The following GALNT1 variants were observed in gnomAD, a reference collection of about 807,000 sequenced individuals.
The protein encoded by GALNT1 is polypeptide N-acetylgalactosaminyltransferase 1, also known as GalNAc transferase 1.
In GALNT1, 17 loss-of-function variants were observed where a neutral mutation model predicts 65.7. The ratio of observed to expected loss-of-function variants is 0.26; its 90% CI spans 0.18 to 0.39. The LOEUF is 0.39. Ranked by LOEUF, GALNT1 falls within the 10% of genes least tolerant of loss-of-function variation. GALNT1 has a pLI of 1.00. For synonymous variants in GALNT1, 210 were observed against 219.7 expected (o/e 0.96, Z 0.39); for missense variants, 460 against 672.8 (o/e 0.68, Z 3.50).
intron 1 of GALNT1, among the ~76,000 whole-genome samples, chr18:35,643,440 A>T (rs571272832): frequency 6.6e-6 from 1 of 152,292 alleles, no homozygotes; most frequent in East Asian, 1.9e-4. Context: ...ACTTGAGTCT[A>T]AATAGATGTT....
chr18:35,662,436 G>A (rs1555648038), intron 2 of GALNT1, among the ~76,000 whole-genome samples: 1 of 152,090 alleles, frequency 6.6e-6, no homozygotes, highest in Non-Finnish European at 1.5e-5. Context: ...AATTCTGGAC[G>A]TGGTTGAGGA....
chr18:35,672,480 G>A (rs181972871), intron 3 of GALNT1, among the ~76,000 whole-genome samples: 46 of 152,290 alleles, frequency 3.0e-4, no homozygotes, highest in African/African-American at 1.0e-3. Context: ...GGCCCTTGGA[G>A]TGCAGCTTTT....
chr18:35,583,853 C>G (rs1248927000), intron 1 of GALNT1, among the ~76,000 whole-genome samples: 3 of 152,208 alleles, frequency 2.0e-5, no homozygotes, highest in Non-Finnish European at 4.4e-5. Context: ...GCTACTCTGA[C>G]TGGAGTTTTG....
At chr18:35,621,045 T>C (rs151271950) in intron 1 of GALNT1, among the ~76,000 whole-genome samples, 14 of 152,330 alleles carry the variant, frequency 9.2e-5, no homozygotes, top group South Asian at 8.3e-4. Flanking sequence ...TCAGATTCAT[T>C]TTCCTGAGTA....
At chr18:35,640,792 T>G (rs979569614) in intron 1 of GALNT1, among the ~76,000 whole-genome samples, 5 of 152,178 alleles carry the variant, frequency 3.3e-5, no homozygotes, top group African/African-American at 1.2e-4. Context: ...TGTGACAAAG[T>G]TGGTATTACA....
chr18:35,686,903 C>G, intron 5 of GALNT1, 113 bp from the exon 6 acceptor site: 1 of 1,016,546 alleles, frequency 9.8e-7, no homozygotes, highest in Non-Finnish European at 1.4e-6. Context: ...GTAGTGATAC[C>G]CTGTTTCAAG....
chr18:35,682,619 G>T (rs2047802455), intron 4 of GALNT1, among the ~76,000 whole-genome samples: 1 of 152,026 alleles, frequency 6.6e-6, no homozygotes, highest in Non-Finnish European at 1.5e-5. Context: ...GCTTTTTAAA[G>T]TCAGTTGTGA....
rs1179346679 is a variant in GALNT1 at position 35,710,516 on chromosome 18, A to G, written c.*746A>G. The G allele has an allele frequency of 6.6e-6, 1 of 152,004 alleles. No individual in the cohort carries two copies. 9.4% of individuals were successfully genotyped at this position (152,004 alleles called of 1,614,324 possible). A position where few individuals can be genotyped will look rare whatever the true frequency, so the allele number is the denominator to read the frequency against. On this transcript the variant is annotated 3_prime_UTR_variant, in exon 12 of 12. Coordinates refer to ENST00000269195, the MANE Select transcript of GALNT1 (RefSeq NM_020474.4). ...GAATATAGTTTTAATTTCTCTCTAC[A>G]GTTTTTTTTGTTTGGTTTGTGGGCT...
intron 8 of GALNT1, among the ~76,000 whole-genome samples, chr18:35,691,538 C>G (rs1415546460): frequency 6.6e-6 from 1 of 151,862 alleles, no homozygotes; most frequent in Non-Finnish European, 1.5e-5. Flanking sequence ...ATGACTTTTT[C>G]TTGATTCTTG....
chr18:35,706,746 C>T (rs773169577), intron 11 of GALNT1, among the ~76,000 whole-genome samples: 6 of 152,218 alleles, frequency 3.9e-5, no homozygotes, highest in Admixed American at 3.9e-4. Flanking sequence ...AGTTGAGTTG[C>T]AATGCAGGTC....
At chr18:35,615,422 A>G (rs575395) in intron 1 of GALNT1, among the ~76,000 whole-genome samples, 52,198 of 152,036 alleles carry the variant, frequency 0.34, 9,909 homozygotes, top group Middle Eastern at 0.52. Context: ...AAAAAAAGCA[A>G]TTTCAGATGG....
intron 1 of GALNT1, among the ~76,000 whole-genome samples, chr18:35,620,736 A>G (rs549169742): frequency 1.3e-5 from 2 of 151,520 alleles, no homozygotes; most frequent in Non-Finnish European, 2.9e-5. Flanking sequence ...TTTTCCTGCT[A>G]TATAGTAGTC....
intron 6 of GALNT1, 89 bp from the exon 7 acceptor site, chr18:35,689,084 T>G (rs898852620): frequency 9.6e-6 from 8 of 831,980 alleles, no homozygotes; most frequent in Non-Finnish European, 1.3e-5. Flanking sequence ...ACTCAGTAGT[T>G]ATAAATAGTT....
intron 5 of GALNT1, among the ~76,000 whole-genome samples, chr18:35,685,521 GTTAATGGAGAAA>G (rs1014574623): frequency 6.7e-6 from 1 of 150,124 alleles, no homozygotes; most frequent in African/African-American, 2.4e-5. Flanking sequence ...CAGAAATCAT[GTTAATGGAGAAA>G]TGTTGGAAGC....
chr18:35,581,679 G>A (rs1320664371), upstream of GALNT1: 3 of 10,694 alleles, frequency 2.8e-4, no homozygotes, highest in East Asian at 0.015. Flanking sequence ...GCGGAGGCGG[G>A]GGCGGGCGCG....
At chr18:35,604,803 T>C (rs965235107) in intron 1 of GALNT1, among the ~76,000 whole-genome samples, 13 of 152,178 alleles carry the variant, frequency 8.5e-5, no homozygotes, top group Non-Finnish European at 4.4e-5. Context: ...AAGATTTTTA[T>C]GTTGGTATTT....
intron 1 of GALNT1, among the ~76,000 whole-genome samples, chr18:35,594,006 A>G (rs987078226): frequency 1.3e-5 from 2 of 149,370 alleles, no homozygotes; most frequent in African/African-American, 4.9e-5. Flanking sequence ...CACCGTGCCC[A>G]GCCTATAATA....
chr18:35,674,811 G>A (rs560581947), intron 3 of GALNT1, among the ~76,000 whole-genome samples: 4 of 151,836 alleles, frequency 2.6e-5, no homozygotes, highest in Admixed American at 6.6e-5. Flanking sequence ...GTGAAACCCC[G>A]TCTCTAGTAA....
At chr18:35,630,170 C>G (rs1420153858) in intron 1 of GALNT1, among the ~76,000 whole-genome samples, 1 of 152,122 alleles carries the variant, frequency 6.6e-6, no homozygotes, top group Non-Finnish European at 1.5e-5. Flanking sequence ...CAAGGATATC[C>G]AGGAATTGAA....
Sources: allele counts gnomAD v4.1 joint callset (sites outside exome capture counted in the v4.1 genomes callset), GRCh38; gene constraint gnomAD v4.1.1; transcripts MANE v1.5; gene names NCBI Gene and HGNC (gene_info 2026-07-23, HGNC 2026-07-21).